LRBA: variants seen among roughly 807,000 people sequenced by gnomAD.
The protein encoded by LRBA is lipopolysaccharide-responsive and beige-like anchor protein.
LRBA carries 176 observed loss-of-function variants against 330.0 expected under a neutral mutation model. The ratio of observed to expected loss-of-function variants is 0.53; its 90% confidence interval spans 0.47 to 0.60. The LOEUF is 0.60. Ranked by LOEUF, LRBA falls within the 20% of genes least tolerant of loss-of-function variation. The probability of loss-of-function intolerance (pLI) is 0.00; values close to 1 mark genes in which losing one functional copy is unlikely to be tolerated. For synonymous variants in LRBA, 1,230 were observed against 1,193.0 expected (o/e 1.03, Z -0.64); for missense variants, 3,259 against 3,444.8 (o/e 0.95, Z 1.35).
intron 2 of LRBA, among the ~76,000 whole-genome samples, chr4:150,993,186 A>G (rs1244502365): frequency 6.6e-6 from 1 of 152,198 alleles, no homozygotes; most frequent in African/African-American, 2.4e-5. Flanking sequence ...CAGTTTGGCT[A>G]GAGCATAATT....
At chr4:150,899,723 C>G (rs1266934774) in intron 14 of LRBA, among the ~76,000 whole-genome samples, 1 of 152,104 alleles carries the variant, frequency 6.6e-6, no homozygotes, top group South Asian at 2.1e-4. Flanking sequence ...TTGTGACAAT[C>G]CATCTCAGCA....
At chr4:150,375,162 T>C (rs1439312454) in intron 47 of LRBA, among the ~76,000 whole-genome samples, 2 of 152,262 alleles carry the variant, frequency 1.3e-5, no homozygotes, top group East Asian at 3.9e-4. Flanking sequence ...GCTGTAGCTT[T>C]AACTATTGCT....
intron 40 of LRBA, among the ~76,000 whole-genome samples, chr4:150,532,113 G>C (rs1764113026): frequency 6.6e-6 from 1 of 152,114 alleles, no homozygotes; most frequent in African/African-American, 2.4e-5. Context: ...CCCAATTGGA[G>C]CTTGATTGAT....
chr4:150,871,295 C>T lies in LRBA; in HGVS notation c.2367+50G>A, dbSNP rs536728764. The T allele has an allele frequency of 2.6e-4, 252 of 963,282 alleles. 2 individuals carry two copies. In the South Asian group the frequency reaches 2.9e-3, roughly 11 times the overall value. 59.7% of individuals were successfully genotyped at this position (963,282 alleles called of 1,614,324 possible). On this transcript the variant is annotated intron_variant, in intron 19 of 56. Coordinates refer to ENST00000651943, the MANE Select transcript of LRBA (RefSeq NM_001364905.1). ...TATTTACCTACACAATGTTAAGAGG[C>T]ATTTTTATAATAAGAAATTTAGAGG...
At chr4:150,851,759 A>G (rs1348376578) in intron 23 of LRBA, 126 bp downstream of exon 23, 2 of 941,520 alleles carry the variant, frequency 2.1e-6, no homozygotes, top group African/African-American at 3.3e-5. Context: ...CTTCACATTC[A>G]TTGCATTTAT....
At chr4:150,358,894 C>T (rs1397866518) in intron 47 of LRBA, among the ~76,000 whole-genome samples, 3 of 152,134 alleles carry the variant, frequency 2.0e-5, no homozygotes, top group Non-Finnish European at 2.9e-5. Context: ...TACTTATTGC[C>T]AGATGTAGTT....
intron 40 of LRBA, among the ~76,000 whole-genome samples, chr4:150,548,461 C>T (rs746857250): frequency 7.9e-5 from 12 of 152,198 alleles, no homozygotes; most frequent in Non-Finnish European, 1.2e-4. Context: ...AAATTAATCT[C>T]GCAAATGTCT....
intron 37 of LRBA, among the ~76,000 whole-genome samples, chr4:150,655,698 C>A (rs1447893378): frequency 1.3e-5 from 2 of 152,080 alleles, no homozygotes; most frequent in Non-Finnish European, 2.9e-5. Context: ...ACACCACTGA[C>A]AAGAGCAATG....
intron 40 of LRBA, among the ~76,000 whole-genome samples, chr4:150,568,341 G>A (rs950354238): frequency 6.6e-6 from 1 of 152,122 alleles, no homozygotes; most frequent in African/African-American, 2.4e-5. Flanking sequence ...CATGATGACA[G>A]TGTTTTATTC....
intron 2 of LRBA, among the ~76,000 whole-genome samples, chr4:150,998,990 T>C (rs72721731): frequency 1.1e-3 from 170 of 152,340 alleles, no homozygotes; most frequent in Non-Finnish European, 1.7e-3. Flanking sequence ...CGTTATACCT[T>C]AGACTTCCAG....
At chr4:150,466,992 T>C (rs541211475) in intron 44 of LRBA, among the ~76,000 whole-genome samples, 18 of 152,088 alleles carry the variant, frequency 1.2e-4, no homozygotes, top group Non-Finnish European at 4.4e-5. Context: ...GATGATTCTG[T>C]ATCTGGGCCA....
intron 44 of LRBA, among the ~76,000 whole-genome samples, chr4:150,463,483 T>C (rs1302910683): frequency 6.6e-6 from 1 of 152,040 alleles, no homozygotes; most frequent in African/African-American, 2.4e-5. Context: ...GTTTAGTGGA[T>C]GTGGACATAT....
intron 2 of LRBA, among the ~76,000 whole-genome samples, chr4:151,008,960 AC>A (rs1744448330): frequency 6.5e-5 from 6 of 91,820 alleles, no homozygotes; most frequent in Admixed American, 1.4e-4. Flanking sequence ...GCAGAGTGAG[AC>A]TCCATCTCAA....
chr4:150,818,414 A>G (rs1350796815), intron 30 of LRBA, among the ~76,000 whole-genome samples: 8 of 152,006 alleles, frequency 5.3e-5, no homozygotes, highest in Non-Finnish European at 2.9e-5. Flanking sequence ...TTAACTATAC[A>G]CTAAAAAATA....
intron 47 of LRBA, among the ~76,000 whole-genome samples, chr4:150,383,505 G>C (rs1006757657): frequency 6.6e-6 from 1 of 152,050 alleles, no homozygotes; most frequent in African/African-American, 2.4e-5. Context: ...CCTCCTCCTT[G>C]GCCTCCCAAA....
intron 37 of LRBA, among the ~76,000 whole-genome samples, chr4:150,661,326 C>A (rs183297139): frequency 6.6e-6 from 1 of 151,050 alleles, no homozygotes; most frequent in African/African-American, 2.4e-5. Context: ...CCTGGTGTGG[C>A]GGCAGGCACC....
chr4:150,285,876 T>C, intron 54 of LRBA, 57 bp downstream of exon 54: 2 of 1,112,818 alleles, frequency 1.8e-6, no homozygotes, highest in East Asian at 3.0e-5. Context: ...CTTTGGTAAT[T>C]TGTTTCTAGA....
chr4:150,519,241 TG>T (rs1249363146), intron 40 of LRBA, among the ~76,000 whole-genome samples: 1 of 152,148 alleles, frequency 6.6e-6, no homozygotes, highest in Non-Finnish European at 1.5e-5. Flanking sequence ...AGAAAATACT[TG>T]GTAAAATACA....
intron 46 of LRBA, among the ~76,000 whole-genome samples, chr4:150,416,046 C>A (rs1747688693): frequency 6.6e-6 from 1 of 152,082 alleles, no homozygotes; most frequent in Non-Finnish European, 1.5e-5. Context: ...TAATTTATTA[C>A]AGTTTAGCCA....
Sources: gnomAD v4.1 joint callset for allele counts (sites outside exome capture counted in the v4.1 genomes callset) on GRCh38, gnomAD v4.1.1 for gene constraint, MANE v1.5 for transcripts, NCBI Gene and HGNC (gene_info 2026-07-23, HGNC 2026-07-21) for gene names.